The following PTPRM variants were observed in gnomAD, a reference collection of about 807,000 sequenced individuals.
PTPRM encodes the protein receptor-type tyrosine-protein phosphatase mu.
Under a neutral mutation model 186.7 loss-of-function variants are expected in PTPRM, and 47 were observed. The ratio of observed to expected loss-of-function variants is 0.25; its 90% CI spans 0.20 to 0.32. The LOEUF is 0.32. Among genes scored for constraint, PTPRM ranks in the 10% least tolerant of loss-of-function variants. The pLI is 1.00. For synonymous variants in PTPRM, 668 were observed against 674.9 expected (o/e 0.99, Z 0.16); for missense variants, 1,494 against 1,865.0 (o/e 0.80, Z 3.66).
chr18:8,322,121 A>G (rs1413029850), intron 22 of PTPRM, among the ~76,000 whole-genome samples: 1 of 152,218 alleles, frequency 6.6e-6, no homozygotes, highest in Non-Finnish European at 1.5e-5. Context: ...TCTTTAAAAT[A>G]TATTCACAGC....
At chr18:8,005,706 G>T (rs184752401) in intron 7 of PTPRM, among the ~76,000 whole-genome samples, 179 of 152,254 alleles carry the variant, frequency 1.2e-3, no homozygotes, top group African/African-American at 4.0e-3. Context: ...GGAGCCTAAT[G>T]TCCCTCAGGG....
chr18:7,705,361 GTCTC>G (rs959608745), intron 1 of PTPRM, among the ~76,000 whole-genome samples: 8 of 149,298 alleles, frequency 5.4e-5, no homozygotes, highest in East Asian at 2.0e-4. Context: ...CTATCTTTCT[GTCTC>G]TCTCTCTCTA....
intron 1 of PTPRM, among the ~76,000 whole-genome samples, chr18:7,617,528 A>G (rs2037835241): frequency 6.6e-6 from 1 of 152,222 alleles, no homozygotes; most frequent in Non-Finnish European, 1.5e-5. Context: ...GATTTATTGA[A>G]ATGAGTCAGA....
intron 2 of PTPRM, among the ~76,000 whole-genome samples, chr18:7,855,848 T>A (rs2047069415): frequency 6.6e-6 from 1 of 152,216 alleles, no homozygotes; most frequent in African/African-American, 2.4e-5. Flanking sequence ...GGAGAATTAA[T>A]GGCATAATTC....
chr18:7,687,781 T>G (rs2039637472), intron 1 of PTPRM, among the ~76,000 whole-genome samples: 1 of 150,876 alleles, frequency 6.6e-6, no homozygotes, highest in Non-Finnish European at 1.5e-5. Context: ...CTATAAGATT[T>G]TTTTTTTTTT....
intron 1 of PTPRM, among the ~76,000 whole-genome samples, chr18:7,637,682 A>G (rs1191028174): frequency 6.6e-6 from 1 of 152,208 alleles, no homozygotes; most frequent in Non-Finnish European, 1.5e-5. Flanking sequence ...GAATTAATGC[A>G]CATTGAAAAA....
chr18:7,886,529 T>C (rs1161455109), intron 2 of PTPRM, among the ~76,000 whole-genome samples: 1 of 152,220 alleles, frequency 6.6e-6, no homozygotes, highest in Admixed American at 6.5e-5. Context: ...AAATAGCTAC[T>C]ATAATTTCCC....
chr18:7,845,467 A>G (rs1221765958), intron 2 of PTPRM, among the ~76,000 whole-genome samples: 3 of 152,164 alleles, frequency 2.0e-5, no homozygotes, highest in Non-Finnish European at 2.9e-5. Context: ...TGTGAAAAGC[A>G]TCTCACTCTT....
chr18:7,856,212 CT>C (rs1162490682), intron 2 of PTPRM, among the ~76,000 whole-genome samples: 3 of 151,968 alleles, frequency 2.0e-5, no homozygotes, highest in Admixed American at 1.3e-4. Context: ...CTTATCTTTG[CT>C]TGCTTATATC....
intron 1 of PTPRM, among the ~76,000 whole-genome samples, chr18:7,772,432 C>CTTT (rs1448215660): frequency 8.7e-5 from 11 of 125,958 alleles, no homozygotes; most frequent in East Asian, 4.6e-4. Flanking sequence ...TTCTCCCTTC[C>CTTT]CCTTCCCCTT....
At chr18:8,057,266 G>T (rs1268635833) in intron 7 of PTPRM, among the ~76,000 whole-genome samples, 1 of 151,706 alleles carries the variant, frequency 6.6e-6, no homozygotes, top group Non-Finnish European at 1.5e-5. Context: ...GTTAACATTT[G>T]ATATTAGTGG....
At chr18:8,091,522 A>C (rs2090725117) in intron 11 of PTPRM, among the ~76,000 whole-genome samples, 1 of 152,144 alleles carries the variant, frequency 6.6e-6, no homozygotes, top group Admixed American at 6.5e-5. Flanking sequence ...GCCTATCTTA[A>C]ATGGGTAAAT....
intron 14 of PTPRM, among the ~76,000 whole-genome samples, chr18:8,190,804 A>T (rs1046872686): frequency 6.6e-6 from 1 of 152,222 alleles, no homozygotes; most frequent in Non-Finnish European, 1.5e-5. Flanking sequence ...CAGAGAATAT[A>T]TGTGGGGAAA....
intron 8 of PTPRM, 125 bp from the exon 9 acceptor site, chr18:8,076,330 A>T: frequency 1.6e-6 from 1 of 614,158 alleles, no homozygotes; most frequent in Non-Finnish European, 2.9e-6. Flanking sequence ...TTTTAAAGAA[A>T]AATTGAGTAT....
At chr18:8,330,682 C>T (rs1296256395) in intron 22 of PTPRM, among the ~76,000 whole-genome samples, 1 of 151,398 alleles carries the variant, frequency 6.6e-6, no homozygotes, top group African/African-American at 2.4e-5. Flanking sequence ...TCCTTGATTG[C>T]CGTCTCTCTG....
chr18:8,371,504 T>C (rs1416867217), intron 24 of PTPRM, among the ~76,000 whole-genome samples: 2 of 152,148 alleles, frequency 1.3e-5, no homozygotes, highest in Non-Finnish European at 2.9e-5. Flanking sequence ...ATTTTCCAGG[T>C]GGAAGTGACC....
chr18:7,765,913 A>G (rs976881138), intron 1 of PTPRM, among the ~76,000 whole-genome samples: 1 of 152,264 alleles, frequency 6.6e-6, no homozygotes, highest in African/African-American at 2.4e-5. Context: ...TAATTATAAC[A>G]GGAAGAATGT....
At chr18:8,105,145 A>T (rs2091459664) in intron 11 of PTPRM, among the ~76,000 whole-genome samples, 1 of 152,170 alleles carries the variant, frequency 6.6e-6, no homozygotes, top group African/African-American at 2.4e-5. Context: ...TCAAAATGTC[A>T]TTGAGTGGTA....
intron 1 of PTPRM, among the ~76,000 whole-genome samples, chr18:7,616,060 G>T (rs965086953): frequency 6.6e-6 from 1 of 152,166 alleles, no homozygotes; most frequent in African/African-American, 2.4e-5. Context: ...CTGCTGTGCC[G>T]CTAGGTTCCT....
Sources: gnomAD v4.1 joint callset for allele counts (sites outside exome capture counted in the v4.1 genomes callset) on GRCh38, gnomAD v4.1.1 for gene constraint, MANE v1.5 for transcripts, NCBI Gene and HGNC (gene_info 2026-07-23, HGNC 2026-07-21) for gene names.